Variants in ZFR2 observed in about 807,000 individuals in gnomAD.
ZFR2 encodes the protein zinc finger RNA binding protein 2.
Under a neutral mutation model 105.7 loss-of-function variants are expected in ZFR2, and 104 were observed. That is an observed-to-expected ratio of 0.98 (90% CI 0.84 to 1.16). The LOEUF (loss-of-function observed/expected upper bound fraction) is 1.16, where lower values mean the gene tolerates loss of function less well. ZFR2 is among the 50% of genes most tolerant of loss of function. The pLI is 0.00. For missense variants in ZFR2, 1,425 were observed against 1,355.5 expected, an observed-to-expected ratio of 1.05 and a Z score of -0.80; for synonymous variants, 634 against 597.7, an observed-to-expected ratio of 1.06 and a Z score of -0.89.
rs111354543 is a variant in ZFR2 at position 3,861,248 on chromosome 19, G to C, written c.53+7717C>G. ...GGAAAAAAACCTGCCCAAAGCAAAA[G>C]GAACATATCCACCAAAAAAAGAAGT... On this transcript the variant is annotated intron_variant, in intron 1 of 18. Coordinates refer to ENST00000262961, the MANE Select transcript of ZFR2 (RefSeq NM_015174.2). 8.3e-3 allele frequency among the ~76,000 whole-genome samples: 1,269 copies of C among 152,222 alleles called. 17 individuals carry two copies. The highest frequency in any genetic ancestry group is 0.029 in the African/African-American group (1,214 of 41,522).
Position 3,807,163 on chromosome 19 carries a change from C to A in ZFR2, c.2643+9G>T. On this transcript the variant is annotated intron_variant, in intron 18 of 18. Transcript: ENST00000262961. ...GGGTGTCACCCTTGCCGTGACTTGA[C>A]CCTCCTACCTGGGCGCTGGCGGTCA... The A allele has an allele frequency of 6.5e-7, 1 of 1,549,880 alleles. No homozygotes were observed. The highest frequency in any genetic ancestry group is 8.7e-7 in the Non-Finnish European group (1 of 1,145,778).
intron 5 of ZFR2, among the ~76,000 whole-genome samples, 157 bp downstream of exon 5, chr19:3,831,146 C>A (rs1302286505): frequency 6.6e-6 from 1 of 152,254 alleles, no homozygotes; most frequent in Non-Finnish European, 1.5e-5. Flanking sequence ...CACACAAGCG[C>A]TTGCACACAC....
intron 3 of ZFR2, among the ~76,000 whole-genome samples, chr19:3,833,109 C>T (rs2038036854): frequency 6.6e-6 from 1 of 151,626 alleles, no homozygotes; most frequent in Non-Finnish European, 1.5e-5. Flanking sequence ...ATTAGCCAGG[C>T]ATGGTGGCGC....
rs1010712132 is a variant in ZFR2, at chr19:3,854,337, G to A, written c.53+14628C>T. 3.9e-4 allele frequency among the ~76,000 whole-genome samples: 60 copies of A among 152,020 alleles called. 1 individual carries two copies. The highest frequency in any genetic ancestry group is 2.6e-4 in the Admixed American group (4 of 15,234). On this transcript the variant is annotated intron_variant, in intron 1 of 18. Transcript: ENST00000262961. ...GAACCTAGGAGGCGGAAGCTGCAGT[G>A]AGTTGAGATCGCACCACTGCACTCC...
At chr19:3,836,969 T>C (rs1049081556) in intron 1 of ZFR2, among the ~76,000 whole-genome samples, 1 of 152,102 alleles carries the variant, frequency 6.6e-6, no homozygotes, top group African/African-American at 2.4e-5. Flanking sequence ...GAGCAAGGTA[T>C]GAGGGTCATT....
chr19:3,807,008 T>C (rs2037703934), intron 18 of ZFR2, among the ~76,000 whole-genome samples, 164 bp downstream of exon 18: 1 of 152,216 alleles, frequency 6.6e-6, no homozygotes, highest in African/African-American at 2.4e-5. Context: ...AGGCTGGCCC[T>C]GTCCCTGTGC....
intron 6 of ZFR2, among the ~76,000 whole-genome samples, chr19:3,825,838 G>A (rs1054742439): frequency 3.9e-5 from 6 of 152,132 alleles, no homozygotes; most frequent in African/African-American, 1.4e-4. Context: ...CGTTCTGCAC[G>A]CACGTGTGCA....
rs1469980846 is a variant in ZFR2, at chr19:3,868,979, G to A, written c.39C>T (p.Gly13=). 8.8e-6 allele frequency: 12 copies of A among 1,363,898 alleles called. No individual in the cohort carries two copies. Among genetic ancestry groups the A allele is most frequent in the Admixed American group, 3.2e-5 (1 of 31,398 alleles). The allele number at this position is 1,363,898 out of a possible 1,614,324, so 84.5% of individuals were successfully genotyped here. ...GGGGCAGTTACCTGTACTGCGGGCC[G>A]CCGCCCTGCGCGAAGTCGAAATACT... ...TSQYFDFAQG[G]GPQYSAQPPT... Residue 13 remains glycine, a synonymous_variant, in exon 1 of 19, where the codon GGC becomes GGT. Transcript: ENST00000262961.
chr19:3,846,644 T>C (rs1270144600), intron 1 of ZFR2, among the ~76,000 whole-genome samples: 2 of 152,226 alleles, frequency 1.3e-5, no homozygotes, highest in East Asian at 1.9e-4. Context: ...TCCCGATTCA[T>C]TCACCTTTTT....
chr19:3,844,017 G>GGA (rs1555757846), intron 1 of ZFR2, among the ~76,000 whole-genome samples: 21 of 134,110 alleles, frequency 1.6e-4, no homozygotes, highest in African/African-American at 5.9e-4. Flanking sequence ...AGGATGTGGG[G>GGA]GGGGGGGTGC....
intron 1 of ZFR2, chr19:3,852,657 A>T (rs1481107881): frequency 1.4e-6 from 1 of 695,634 alleles, no homozygotes; most frequent in Admixed American, 2.2e-5. Flanking sequence ...CATGGATATA[A>T]GGGTGGATGA....
Position 3,827,788 on chromosome 19 carries a change from T to C in ZFR2, c.853-135A>G, listed in dbSNP as rs1017953763. 6.4e-6 allele frequency: 6 copies of C among 941,228 alleles called. No individual in the cohort carries two copies. The African/African-American group carries it at 6.9e-5, about 11-fold the overall frequency. 58.3% of individuals were successfully genotyped at this position (941,228 alleles called of 1,614,324 possible). A position where few individuals can be genotyped will look rare whatever the true frequency, so the allele number is the denominator to read the frequency against. ...CCGCTGTCCCCAACCCTCCATTCCCTGGTGCCATGGAGGTTCCAGTGTCCC... is the reference window on the plus strand; with the variant it reads ...CCGCTGTCCCCAACCCTCCATTCCCCGGTGCCATGGAGGTTCCAGTGTCCC... On this transcript the variant is annotated intron_variant, in intron 5 of 18. Coordinates refer to ENST00000262961, the MANE Select transcript of ZFR2 (RefSeq NM_015174.2).
In ZFR2 at chr19:3,831,475, G is replaced by C. The variant is rs751066608; in HGVS notation, c.680C>G (p.Pro227Arg). Residue 227 changes from proline (P) to arginine (R), a missense_variant, in exon 5 of 19, where the codon CCG becomes CGG. Transcript: ENST00000262961. The part of the protein sequence containing the change: ...FYPPAQPPPP[P>R]GPPQQLPPPP... ...CGGGGGCAGCTGCTGCGGGGGTCCC[G>C]GGGGAGGCGGGGGCTGCGCTGGAGG... 5.2e-5 allele frequency: 81 copies of C among 1,547,224 alleles called. No individual in the cohort carries two copies. Among genetic ancestry groups the C allele is most frequent in the Middle Eastern group, 5.2e-4 (3 of 5,732 alleles).
chr19:3,837,140 C>CT (rs2038083422), intron 1 of ZFR2, among the ~76,000 whole-genome samples: 3 of 152,014 alleles, frequency 2.0e-5, no homozygotes, highest in African/African-American at 4.8e-5. Context: ...AAAGTTACAG[C>CT]TTTTTTTTAT....
chr19:3,839,138 T>C (rs1444607509), intron 1 of ZFR2, among the ~76,000 whole-genome samples: 1 of 152,092 alleles, frequency 6.6e-6, no homozygotes, highest in Non-Finnish European at 1.5e-5. Context: ...AAGGGCCCTA[T>C]CCATAAAGAA....
chr19:3,807,937 CTG>C lies in ZFR2; in HGVS notation c.2546-670_2546-669del, dbSNP rs758915103. On this transcript the variant is annotated intron_variant, in intron 17 of 18. Coordinates refer to ENST00000262961, the MANE Select transcript of ZFR2 (RefSeq NM_015174.2). ...TATATGCCCATGTGTGCATGCATGT[CTG>C]TGTGTGCATGCACTCATGTCTGTGT... 1.0e-4 allele frequency among the ~76,000 whole-genome samples: 14 copies of C among 134,466 alleles called. No individual in the cohort carries two copies. In the East Asian group the frequency reaches 1.4e-3, roughly 13 times the overall value. The allele number at this position is 134,466 out of a possible 152,430, so 88.2% of individuals were successfully genotyped here.
chr19:3,835,076 C>T, intron 1 of ZFR2, 93 bp from the exon 2 acceptor site: 1 of 1,402,242 alleles, frequency 7.1e-7, no homozygotes, highest in Non-Finnish European at 9.8e-7. Flanking sequence ...CACCACTGGA[C>T]CTGAGCTGCC....
chr19:3,867,961 G>T (rs1307514334), intron 1 of ZFR2, among the ~76,000 whole-genome samples: 10 of 150,736 alleles, frequency 6.6e-5, no homozygotes, highest in Admixed American at 6.6e-4. Flanking sequence ...ACCATCAGGG[G>T]TCAGTGCCCT....
chr19:3,864,247 C>T (rs553019760), intron 1 of ZFR2, among the ~76,000 whole-genome samples: 10 of 152,030 alleles, frequency 6.6e-5, no homozygotes, highest in South Asian at 2.1e-4. Context: ...CATGGTGGTG[C>T]GCACCTGTCG....
Sources: allele counts gnomAD v4.1 joint callset (sites outside exome capture counted in the v4.1 genomes callset), GRCh38; gene constraint gnomAD v4.1.1; transcripts MANE v1.5; gene names NCBI Gene and HGNC (gene_info 2026-07-23, HGNC 2026-07-21).